Variants in FAT3 observed in about 807,000 individuals in gnomAD.
The protein encoded by FAT3 is protocadherin Fat 3.
Under a neutral mutation model 310.2 loss-of-function variants are expected in FAT3, and 95 were observed. The ratio of observed to expected loss-of-function variants is 0.31; its 90% CI spans 0.26 to 0.36. FAT3 has a LOEUF of 0.36. FAT3 is among the 10% of genes least tolerant of loss of function. The probability of loss-of-function intolerance (pLI) is 1.00; values close to 1 mark genes in which losing one functional copy is unlikely to be tolerated. For synonymous variants in FAT3, 2,314 were observed against 2,192.9 expected (o/e 1.06, Z -1.54); for missense variants, 5,408 against 5,715.6 (o/e 0.95, Z 1.74).
At chr11:92,230,693 G>C (rs1864140193) in intron 1 of FAT3, among the ~76,000 whole-genome samples, 1 of 152,208 alleles carries the variant, frequency 6.6e-6, no homozygotes, top group Non-Finnish European at 1.5e-5. Context: ...TCAAAGAATA[G>C]TAAAATATAT....
chr11:92,738,029 C>A (rs535738456), intron 4 of FAT3, among the ~76,000 whole-genome samples: 1 of 152,198 alleles, frequency 6.6e-6, no homozygotes, highest in Admixed American at 6.5e-5. Flanking sequence ...TCCTATAAAC[C>A]TTTACTTCTT....
At chr11:92,564,135 T>G (rs1330987193) in intron 3 of FAT3, among the ~76,000 whole-genome samples, 9 of 152,124 alleles carry the variant, frequency 5.9e-5, no homozygotes, top group South Asian at 2.1e-4. Context: ...CTGTATTCAG[T>G]AAACCCATCT....
intron 1 of FAT3, among the ~76,000 whole-genome samples, chr11:92,300,261 C>T (rs1460202440): frequency 2.0e-5 from 3 of 152,128 alleles, no homozygotes; most frequent in South Asian, 2.1e-4. Context: ...CCAGGTCTTA[C>T]AGCAAAGCAC....
At chr11:92,471,457 T>C (rs1951900294) in intron 2 of FAT3, among the ~76,000 whole-genome samples, 1 of 152,156 alleles carries the variant, frequency 6.6e-6, no homozygotes, top group Non-Finnish European at 1.5e-5. Flanking sequence ...GAAAAGATGC[T>C]CACCTTCATG....
chr11:92,241,771 G>A (rs1864677494), intron 1 of FAT3, among the ~76,000 whole-genome samples: 1 of 151,924 alleles, frequency 6.6e-6, no homozygotes, highest in South Asian at 2.1e-4. Flanking sequence ...TTTAAAATAT[G>A]CTTGTAAAAG....
chr11:92,620,047 T>G (rs890323663), intron 3 of FAT3, among the ~76,000 whole-genome samples: 4 of 152,174 alleles, frequency 2.6e-5, no homozygotes, highest in Non-Finnish European at 4.4e-5. Flanking sequence ...TATGTTATGC[T>G]TTTATTTTCA....
chr11:92,550,619 T>C (rs1954778982), intron 3 of FAT3, among the ~76,000 whole-genome samples: 1 of 152,074 alleles, frequency 6.6e-6, no homozygotes, highest in Non-Finnish European at 1.5e-5. Flanking sequence ...TCACAAACAA[T>C]AGGTGGCCAT....
At chr11:92,235,441 T>G (rs1864379049) in intron 1 of FAT3, among the ~76,000 whole-genome samples, 1 of 152,186 alleles carries the variant, frequency 6.6e-6, no homozygotes, top group Non-Finnish European at 1.5e-5. Context: ...TGTAATGAAA[T>G]TACCTGCGCG....
chr11:92,440,416 G>A (rs1466918843), intron 2 of FAT3, among the ~76,000 whole-genome samples: 1 of 152,192 alleles, frequency 6.6e-6, no homozygotes, highest in African/African-American at 2.4e-5. Flanking sequence ...GCCACTGCCT[G>A]TAACTCTCAG....
intron 13 of FAT3, among the ~76,000 whole-genome samples, chr11:92,817,900 CTT>C (rs2136228505): frequency 6.6e-6 from 1 of 152,292 alleles, no homozygotes; most frequent in Admixed American, 6.5e-5. Flanking sequence ...TTAACCGAGA[CTT>C]AGGAAGAAAA....
chr11:92,613,721 T>C (rs1172908751), intron 3 of FAT3, among the ~76,000 whole-genome samples: 3 of 152,166 alleles, frequency 2.0e-5, no homozygotes, highest in East Asian at 1.9e-4. Context: ...AAGCTGATCA[T>C]TGGTGTTTTG....
At chr11:92,677,808 C>G (rs1220366047) in intron 3 of FAT3, among the ~76,000 whole-genome samples, 1 of 152,208 alleles carries the variant, frequency 6.6e-6, no homozygotes, top group African/African-American at 2.4e-5. Flanking sequence ...GATGCAATGA[C>G]AGAATGAAGC....
intron 21 of FAT3, among the ~76,000 whole-genome samples, chr11:92,861,413 G>T (rs957657777): frequency 6.6e-6 from 1 of 152,186 alleles, no homozygotes; most frequent in Non-Finnish European, 1.5e-5. Context: ...GATCCCAGAG[G>T]ATACGAAAGA....
At chr11:92,868,530 G>A (rs1363811940) in intron 22 of FAT3, among the ~76,000 whole-genome samples, 1 of 152,098 alleles carries the variant, frequency 6.6e-6, no homozygotes, top group Non-Finnish European at 1.5e-5. Flanking sequence ...TTTTTCACCA[G>A]GCAAAACAAT....
intron 3 of FAT3, among the ~76,000 whole-genome samples, chr11:92,678,074 A>G (rs1314082758): frequency 6.6e-6 from 1 of 152,136 alleles, no homozygotes; most frequent in African/African-American, 2.4e-5. Flanking sequence ...GTTAATTACA[A>G]TTTGTAACTA....
intron 3 of FAT3, among the ~76,000 whole-genome samples, chr11:92,531,214 A>G (rs1006119336): frequency 1.3e-5 from 2 of 152,204 alleles, no homozygotes; most frequent in Admixed American, 6.5e-5. Flanking sequence ...ATTTAATCCA[A>G]CAAGTCCAGT....
Position 92,564,030 on chromosome 11 carries a change from A to G in FAT3, c.3607+39082A>G, listed in dbSNP as rs1441358434. Among the ~76,000 whole-genome samples, 3 of 152,260 alleles carry G rather than the reference A, an allele frequency of 2.0e-5. No homozygotes were observed. The East Asian group carries it at 5.8e-4, about 29-fold the overall frequency. ...CATAATGACAAGATCAAATTCACAC[A>G]TAACAATATTAAATTTAAATGTAAA... On this transcript the variant is annotated intron_variant, in intron 3 of 27. Coordinates refer to ENST00000525166, the MANE Select transcript of FAT3 (RefSeq NM_001367949.2).
chr11:92,524,640 T>C lies in FAT3; in HGVS notation c.3299T>C (p.Ile1100Thr). ...CTTCTCTTTTTTGTCTCAGGGGTCA[T>C]CACTGCCGCAGACATTCTTGATCGG... ...RFSIDDESGV[I>T]TAADILDRET... Residue 1100 changes from isoleucine to threonine, a missense_variant, in exon 3 of 28, where the codon ATC (isoleucine) becomes ACC (threonine). Coordinates refer to ENST00000525166, the MANE Select transcript of FAT3 (RefSeq NM_001367949.2). The C allele has an allele frequency of 3.1e-6, 5 of 1,612,388 alleles. No homozygotes were observed. The highest frequency in any genetic ancestry group is 4.2e-6 in the Non-Finnish European group (5 of 1,178,598).
intron 4 of FAT3, among the ~76,000 whole-genome samples, chr11:92,750,009 C>T (rs754179880): frequency 5.9e-5 from 9 of 152,156 alleles, no homozygotes; most frequent in Admixed American, 2.6e-4. Flanking sequence ...AAGCTAATCC[C>T]AGCCAGAGAT....
Sources: gnomAD v4.1 joint callset for allele counts (sites outside exome capture counted in the v4.1 genomes callset) on GRCh38, gnomAD v4.1.1 for gene constraint, MANE v1.5 for transcripts, NCBI Gene and HGNC (gene_info 2026-07-23, HGNC 2026-07-21) for gene names.